NFU1: variants seen among roughly 807,000 people sequenced by gnomAD.
NFU1 encodes the protein NFU1 iron-sulfur cluster scaffold, also known as NFU1 iron-sulfur cluster scaffold homolog, mitochondrial.
NFU1 carries 30 observed loss-of-function variants against 32.2 expected under a neutral mutation model. The ratio of observed to expected loss-of-function variants is 0.93; its 90% CI spans 0.70 to 1.26. The LOEUF is 1.26. Among genes scored for constraint, NFU1 ranks in the 50% most tolerant of loss-of-function variants. The probability of loss-of-function intolerance (pLI) is 0.00; values close to 1 mark genes in which losing one functional copy is unlikely to be tolerated. For missense variants in NFU1, 306 were observed against 306.6 expected (o/e 1.00, Z 0.02); for synonymous variants, 112 against 104.6 (o/e 1.07, Z -0.43).
At chr2:69,425,658 T>C (rs1673429938) in intron 2 of NFU1, among the ~76,000 whole-genome samples, 1 of 144,530 alleles carries the variant, frequency 6.9e-6, no homozygotes, top group Admixed American at 6.9e-5. Context: ...CCCGGCCTAA[T>C]TTTTTTTTTT....
At chr2:69,416,260 TC>T (rs1161660284) in intron 4 of NFU1, 1 of 149,178 alleles carries the variant, frequency 6.7e-6, no homozygotes, top group South Asian at 2.1e-4. Flanking sequence ...ATCTTAAAGA[TC>T]CCCCATTCAT....
intron 1 of NFU1, among the ~76,000 whole-genome samples, chr2:69,432,780 T>TACC (rs10671071): frequency 0.68 from 102,530 of 151,554 alleles, 36,187 homozygotes; most frequent in African/African-American, 0.9. Flanking sequence ...TCCTGTCCCT[T>TACC]ACGTTTCCCT....
chr2:69,401,655 T>C (rs1672525771), intron 6 of NFU1, among the ~76,000 whole-genome samples: 1 of 152,188 alleles, frequency 6.6e-6, no homozygotes, highest in African/African-American at 2.4e-5. Context: ...AGAGTATGAA[T>C]ATGTTGAGAT....
upstream of NFU1, among the ~76,000 whole-genome samples, chr2:69,438,161 T>A (rs1270269666): frequency 6.6e-6 from 1 of 152,024 alleles, no homozygotes; most frequent in Non-Finnish European, 1.5e-5. Context: ...GAAATGCACG[T>A]TAGAACATGT....
At chr2:69,422,724 T>C (rs1310774875) in intron 3 of NFU1, among the ~76,000 whole-genome samples, 1 of 152,182 alleles carries the variant, frequency 6.6e-6, no homozygotes, top group Non-Finnish European at 1.5e-5. Context: ...CTTTTCTTTT[T>C]TGAGGCAGGG....
At chr2:69,427,032 C>T (rs1673478994) in intron 2 of NFU1, among the ~76,000 whole-genome samples, 2 of 149,068 alleles carry the variant, frequency 1.3e-5, no homozygotes, top group South Asian at 4.3e-4. Flanking sequence ...TGCACTCCAG[C>T]CTGGGCAATA....
At chr2:69,433,215 T>C (rs142033559) in intron 1 of NFU1, among the ~76,000 whole-genome samples, 1 of 151,362 alleles carries the variant, frequency 6.6e-6, no homozygotes, top group Non-Finnish European at 1.5e-5. Context: ...CTCACTGTTG[T>C]TGGCCCAGGC....
At chr2:69,406,336 G>C (rs1441868882) in intron 5 of NFU1, among the ~76,000 whole-genome samples, 1 of 152,180 alleles carries the variant, frequency 6.6e-6, no homozygotes, top group Non-Finnish European at 1.5e-5. Flanking sequence ...AAAACATCTT[G>C]ATATGCTAAT....
chr2:69,423,446 A>C, intron 3 of NFU1, 136 bp downstream of exon 3: 1 of 776,310 alleles, frequency 1.3e-6, no homozygotes, highest in Non-Finnish European at 2.0e-6. Context: ...CTCTCATCTG[A>C]AAAGAAATTA....
chr2:69,408,734 T>TTATATATATATATA (rs70954344), intron 5 of NFU1, among the ~76,000 whole-genome samples: 193 of 136,368 alleles, frequency 1.4e-3, no homozygotes, highest in Non-Finnish European at 2.6e-3. Context: ...ATATAAAATT[T>TTATATATATATATA]TATATATATA....
chr2:69,398,884 G>A (rs1406815427), intron 7 of NFU1, among the ~76,000 whole-genome samples: 1 of 152,138 alleles, frequency 6.6e-6, no homozygotes, highest in East Asian at 1.9e-4. Flanking sequence ...ACCCAAGGAT[G>A]AGTGATTCCC....
intron 3 of NFU1, among the ~76,000 whole-genome samples, chr2:69,422,074 C>CCA (rs1488713746): frequency 3.3e-5 from 5 of 151,968 alleles, no homozygotes; most frequent in African/African-American, 1.2e-4. Context: ...ACAATTATAA[C>CCA]AATATGCCAG....
intron 4 of NFU1, among the ~76,000 whole-genome samples, chr2:69,415,767 C>T (rs1673029666): frequency 6.6e-6 from 1 of 152,028 alleles, no homozygotes; most frequent in Non-Finnish European, 1.5e-5. Flanking sequence ...GATCCACCCA[C>T]CCCGGCCTCC....
chr2:69,404,615 A>ATATATTTTTTTTT (rs1426118283), intron 6 of NFU1, among the ~76,000 whole-genome samples: 3 of 73,008 alleles, frequency 4.1e-5, no homozygotes, highest in African/African-American at 1.9e-4. Context: ...ATCTTAGCAA[A>ATATATTTTTTTTT]TTTTTTTTTT....
rs1558828143 is a variant in NFU1, at chr2:69,416,374, A to AT, written c.370-1076dup. ...TATAATTATTAATATATTAGTAATAATATTATTATTAATTCATTCACTTTC... is the reference window on the plus strand; with the variant it reads ...TATAATTATTAATATATTAGTAATAATTATTATTATTAATTCATTCACTTTC... On this transcript the variant is annotated intron_variant, in intron 4 of 7. Transcript: ENST00000410022. Among the ~76,000 whole-genome samples, 8 of 147,596 alleles carry AT rather than the reference A, an allele frequency of 5.4e-5. 1 individual carries two copies. The highest frequency in any genetic ancestry group is 2.7e-4 in the Admixed American group (4 of 14,728).
intron 2 of NFU1, among the ~76,000 whole-genome samples, chr2:69,427,409 T>C (rs1673496800): frequency 6.7e-6 from 1 of 148,920 alleles, no homozygotes; most frequent in Non-Finnish European, 1.5e-5. Context: ...AGGCCAGGCA[T>C]GGTGGCTCAC....
At chr2:69,435,953 A>T (rs1430508374) in intron 1 of NFU1, among the ~76,000 whole-genome samples, 2 of 145,918 alleles carry the variant, frequency 1.4e-5, no homozygotes, top group Admixed American at 1.4e-4. Flanking sequence ...CATGTTGGCC[A>T]GACTGGTCTC....
intron 4 of NFU1, among the ~76,000 whole-genome samples, chr2:69,419,300 C>T (rs1381777982): frequency 1.3e-5 from 2 of 151,768 alleles, no homozygotes; most frequent in African/African-American, 2.4e-5. Flanking sequence ...ACACTCCAGC[C>T]TGGGGGACAA....
intron 1 of NFU1, 92 bp from the exon 2 acceptor site, chr2:69,432,097 A>G: frequency 1.3e-6 from 1 of 799,462 alleles, no homozygotes; most frequent in South Asian, 1.5e-5. Context: ...AGACCTATGT[A>G]AAATTTAAAC....
Sources: gnomAD v4.1 joint callset for allele counts (sites outside exome capture counted in the v4.1 genomes callset) on GRCh38, gnomAD v4.1.1 for gene constraint, MANE v1.5 for transcripts, NCBI Gene and HGNC (gene_info 2026-07-23, HGNC 2026-07-21) for gene names.